The following CHD6 variants were observed in gnomAD, a reference collection of about 807,000 sequenced individuals.
CHD6 encodes ATP-dependent chromatin remodeler CHD6.
CHD6 carries 50 observed loss-of-function variants against 276.9 expected under a neutral mutation model. That is an observed-to-expected ratio of 0.18 (90% CI 0.14 to 0.23). The LOEUF is 0.23. CHD6 is among the 10% of genes least tolerant of loss of function. The pLI is 1.00. For missense variants in CHD6, 2,564 were observed against 3,365.8 expected, an observed-to-expected ratio of 0.76 and a Z score of 5.89; for synonymous variants, 1,173 against 1,229.3, an observed-to-expected ratio of 0.95 and a Z score of 0.96.
intron 17 of CHD6, among the ~76,000 whole-genome samples, chr20:41,468,543 T>G (rs903822414): frequency 1.7e-4 from 26 of 152,244 alleles, no homozygotes; most frequent in African/African-American, 6.0e-4. Flanking sequence ...AGCTCACCAG[T>G]GTCTCTCCAA....
intron 3 of CHD6, among the ~76,000 whole-genome samples, chr20:41,521,299 G>A (rs1025524952): frequency 6.6e-6 from 1 of 152,204 alleles, no homozygotes; most frequent in South Asian, 2.1e-4. Flanking sequence ...GGAAAGTATA[G>A]CAAACCAATT....
chr20:41,591,687 C>G (rs1443159958), intron 1 of CHD6, among the ~76,000 whole-genome samples: 2 of 150,622 alleles, frequency 1.3e-5, no homozygotes, highest in African/African-American at 4.9e-5. Context: ...GAATGAAACT[C>G]CAAATCAAAA....
At chr20:41,477,328 C>A (rs1397706726) in intron 16 of CHD6, among the ~76,000 whole-genome samples, 3 of 152,014 alleles carry the variant, frequency 2.0e-5, no homozygotes, top group Non-Finnish European at 2.9e-5. Context: ...GATCAAAAGA[C>A]TAGAAAGGCT....
At chr20:41,539,780 GA>G (rs2044905664) in intron 2 of CHD6, among the ~76,000 whole-genome samples, 2 of 152,024 alleles carry the variant, frequency 1.3e-5, no homozygotes, top group South Asian at 4.1e-4. Context: ...GTTTAATAGA[GA>G]AAAAAGCTAT....
intron 19 of CHD6, 65 bp from the exon 20 acceptor site, chr20:41,454,801 G>A (rs541119149): frequency 5.5e-6 from 6 of 1,092,576 alleles, no homozygotes; most frequent in Non-Finnish European, 8.2e-6. Flanking sequence ...AAACACCAGT[G>A]TTACTTCAAG....
intron 2 of CHD6, 90 bp downstream of exon 2, chr20:41,551,215 G>A (rs902752587): frequency 3.4e-5 from 28 of 831,950 alleles, no homozygotes; most frequent in Admixed American, 9.7e-5. Context: ...CAGAGATTAA[G>A]GGATAAGCCA....
intron 4 of CHD6, among the ~76,000 whole-genome samples, chr20:41,513,241 G>C (rs1388154914): frequency 1.3e-5 from 2 of 152,172 alleles, no homozygotes; most frequent in East Asian, 3.9e-4. Flanking sequence ...AGAAGGGGTA[G>C]TGTCTCATAG....
intron 2 of CHD6, among the ~76,000 whole-genome samples, chr20:41,542,659 C>G (rs1330056313): frequency 6.6e-6 from 1 of 151,906 alleles, no homozygotes; most frequent in Non-Finnish European, 1.5e-5. Context: ...CACCACTGCA[C>G]TCCAGCCTGG....
At chr20:41,544,606 C>T (rs926662761) in intron 2 of CHD6, among the ~76,000 whole-genome samples, 1 of 150,976 alleles carries the variant, frequency 6.6e-6, no homozygotes, top group Non-Finnish European at 1.5e-5. Context: ...AACCACAGTG[C>T]AATTTAAATA....
chr20:41,588,502 G>A (rs1450931346), intron 1 of CHD6, among the ~76,000 whole-genome samples: 2 of 152,076 alleles, frequency 1.3e-5, no homozygotes, highest in African/African-American at 2.4e-5. Flanking sequence ...ATCCCACTGG[G>A]CCAAGGTAAG....
At chr20:41,577,779 C>T (rs1439842455) in intron 1 of CHD6, among the ~76,000 whole-genome samples, 1 of 152,244 alleles carries the variant, frequency 6.6e-6, no homozygotes, top group Non-Finnish European at 1.5e-5. Context: ...ACAATCCATT[C>T]TCTCCCTCTC....
chr20:41,546,305 C>T (rs1195309458), intron 2 of CHD6, among the ~76,000 whole-genome samples: 1 of 152,136 alleles, frequency 6.6e-6, no homozygotes, highest in Non-Finnish European at 1.5e-5. Flanking sequence ...GAATGAAGGG[C>T]TCTGCTTACC....
In CHD6 at chr20:41,542,669, G is replaced by C. The variant is rs866432121; in HGVS notation, c.33+8636C>G. 1.9e-4 allele frequency among the ~76,000 whole-genome samples: 29 copies of C among 151,502 alleles called. No homozygotes were observed. In the Middle Eastern group the frequency reaches 0.01, roughly 54 times the overall value. ...GATCGCACCACTGCACTCCAGCCTG[G>C]GCGACAGAGCGAGACTCCGTCTCAA... is the stretch of plus-strand genomic sequence containing the variant. On this transcript the variant is annotated intron_variant, in intron 2 of 36. Coordinates refer to ENST00000373233, the MANE Select transcript of CHD6 (RefSeq NM_032221.5).
At chr20:41,494,029 T>C in intron 8 of CHD6, 85 bp from the exon 9 acceptor site, 1 of 907,890 alleles carries the variant, frequency 1.1e-6, no homozygotes, top group Non-Finnish European at 1.8e-6. Context: ...AAGTGATCCC[T>C]ACTCTAGGCC....
chr20:41,513,562 C>T (rs1254797196), intron 4 of CHD6, among the ~76,000 whole-genome samples: 2 of 152,112 alleles, frequency 1.3e-5, no homozygotes, highest in Admixed American at 6.5e-5. Context: ...AAAACAAGGT[C>T]CCTAAGTCAC....
chr20:41,596,640 G>A (rs940783376), intron 1 of CHD6, among the ~76,000 whole-genome samples: 1 of 151,738 alleles, frequency 6.6e-6, no homozygotes, highest in Non-Finnish European at 1.5e-5. Context: ...AAGGGATTCA[G>A]GAATCAGTGC....
At chr20:41,578,306 A>T (rs1390891713) in intron 1 of CHD6, among the ~76,000 whole-genome samples, 1 of 152,230 alleles carries the variant, frequency 6.6e-6, no homozygotes, top group Non-Finnish European at 1.5e-5. Flanking sequence ...TACAACTTTT[A>T]AACATTCTTA....
In CHD6 at chr20:41,404,147, T is replaced by A. The variant is rs2046603788; in HGVS notation, c.*446A>T. On this transcript the variant is annotated 3_prime_UTR_variant, in exon 37 of 37. Coordinates refer to ENST00000373233, the MANE Select transcript of CHD6 (RefSeq NM_032221.5). The stretch of plus-strand genomic sequence containing the variant: ...TATGCACCAGCACTTCCTTTTTCTG[T>A]GCTTTTTGGTTCCCTGTGACATTCT... 1 of 1,059,380 alleles carries A rather than the reference T, an allele frequency of 9.4e-7. No individual in the cohort carries two copies. The highest frequency in any genetic ancestry group is 1.6e-5 in the African/African-American group (1 of 60,796). 65.6% of individuals were successfully genotyped at this position (1,059,380 alleles called of 1,614,324 possible).
chr20:41,453,325 T>C (rs1044733420), intron 20 of CHD6, among the ~76,000 whole-genome samples: 1 of 152,228 alleles, frequency 6.6e-6, no homozygotes, highest in African/African-American at 2.4e-5. Context: ...GTCTGCACTC[T>C]GGAGACAAGA....
Sources: gnomAD v4.1 joint callset for allele counts (sites outside exome capture counted in the v4.1 genomes callset) on GRCh38, gnomAD v4.1.1 for gene constraint, MANE v1.5 for transcripts, NCBI Gene and HGNC (gene_info 2026-07-23, HGNC 2026-07-21) for gene names.